Variants in PCDHGB3 observed in about 807,000 individuals in gnomAD.
The protein encoded by PCDHGB3 is protocadherin gamma subfamily B, 3.
PCDHGB3 carries 40 observed loss-of-function variants against 59.2 expected under a neutral mutation model. That is an observed-to-expected ratio of 0.68 (90% CI 0.52 to 0.88). The LOEUF is 0.88. Among genes scored for constraint, PCDHGB3 ranks in the 40% least tolerant of loss-of-function variants. The pLI, the probability that PCDHGB3 is intolerant of heterozygous loss-of-function variation, is 0.00. For synonymous variants in PCDHGB3, 581 were observed against 503.6 expected (o/e 1.15, Z -2.06); for missense variants, 1,309 against 1,187.9 (o/e 1.10, Z -1.50).
At position 141,477,197 on chromosome 5, in the gene PCDHGB3, G is replaced by A. The variant is rs781504885; in HGVS notation, c.2416-17610G>A. ...CACAGTCACCTCCGTGTACAGCCCA[G>A]TACCCGAGGATGCCCCTCTGGGGAC... On this transcript the variant is annotated intron_variant, in intron 1 of 3. Coordinates refer to ENST00000576222, the MANE Select transcript of PCDHGB3 (RefSeq NM_018924.5). The surrounding 1 kb of genome is among the most constrained non-coding windows in gnomAD (Gnocchi z 4.9). 1 of 1,614,210 alleles carries A rather than the reference G, an allele frequency of 6.2e-7. No homozygotes were observed. Among genetic ancestry groups the A allele is most frequent in the East Asian group, 2.2e-5 (1 of 44,874 alleles).
At position 141,399,013 on chromosome 5, in the gene PCDHGB3, G is replaced by A. The variant is rs145783835; in HGVS notation, c.2415+26204G>A. 9.5e-3 allele frequency: 15,345 copies of A among 1,613,900 alleles called. 158 individuals are homozygous for A. Among genetic ancestry groups the A allele is most frequent in the South Asian group, 0.02 (1,850 of 91,076 alleles). On this transcript the variant is annotated intron_variant, in intron 1 of 3. Coordinates refer to ENST00000576222, the MANE Select transcript of PCDHGB3 (RefSeq NM_018924.5). ...CTTTAGTCTGAATTCAAAGAGCGGA[G>A]AAATTACCACTCAAAAGAAACTGGA...
intron 1 of PCDHGB3, chr5:141,384,288 G>C: frequency 6.2e-7 from 1 of 1,613,784 alleles, no homozygotes; most frequent in South Asian, 1.1e-5. Flanking sequence ...ACATCGCTGA[G>C]AACAACCCCA....
chr5:141,393,492 C>T (rs778632774), intron 1 of PCDHGB3: 11 of 1,613,922 alleles, frequency 6.8e-6, no homozygotes, highest in African/African-American at 1.3e-5. Flanking sequence ...TAGCACAGTG[C>T]GCATCCACGT....
chr5:141,394,491 C>G, intron 1 of PCDHGB3: 1 of 1,614,234 alleles, frequency 6.2e-7, no homozygotes, highest in East Asian at 2.2e-5. Flanking sequence ...TGACAACGCG[C>G]CCGAGATCCT....
chr5:141,433,001 G>T, intron 1 of PCDHGB3: 1 of 1,614,156 alleles, frequency 6.2e-7, no homozygotes, highest in African/African-American at 1.3e-5. Flanking sequence ...CGGGGTGCAG[G>T]CTTTCCTGCA....
rs1246750536 is a variant in PCDHGB3 at position 141,386,428 on chromosome 5, C to T, written c.2415+13619C>T. On this transcript the variant is annotated intron_variant, in intron 1 of 3. Coordinates refer to ENST00000576222, the MANE Select transcript of PCDHGB3 (RefSeq NM_018924.5). ...TATGGTGTTGCAAGCTGTAGCCCAC[C>T]TGCATGGGAGGCTGAGGCAAGAGGA... Among the ~76,000 whole-genome samples the T allele has an allele frequency of 3.3e-5, 5 of 152,036 alleles. No individual in the cohort carries two copies. In the South Asian group the frequency reaches 6.2e-4, roughly 19 times the overall value.
chr5:141,375,611 G>A lies in PCDHGB3; in HGVS notation c.2415+2802G>A, dbSNP rs1049659012. 8 of 1,614,060 alleles carry A rather than the reference G, an allele frequency of 5.0e-6. No individual in the cohort carries two copies. The African/African-American group carries it at 8.0e-5, about 16-fold the overall frequency. On this transcript the variant is annotated intron_variant, in intron 1 of 3. Transcript: ENST00000576222. ...GTCCTCCTACGTGTCCATCAACTCC[G>A]ACACTGGGATTCTGTACGCCCTGCG...
rs755576652 is a variant in PCDHGB3 at position 141,410,511 on chromosome 5, G to A, written c.2415+37702G>A. 4.3e-6 allele frequency: 7 copies of A among 1,613,942 alleles called. No individual in the cohort carries two copies. In the Admixed American group the frequency reaches 8.3e-5, roughly 19 times the overall value. On this transcript the variant is annotated intron_variant, in intron 1 of 3. Transcript: ENST00000576222. ...AAAGAGTTTAATTTCCTAAAATGCA[G>A]TGTGCCCCTACATTCCAATGAAGAC... is the stretch of plus-strand genomic sequence containing the variant.
chr5:141,394,528 C>A (rs1465272752), intron 1 of PCDHGB3: 1 of 1,614,214 alleles, frequency 6.2e-7, no homozygotes, highest in Non-Finnish European at 8.5e-7. Flanking sequence ...ACAGACGGTT[C>A]CACTGGCGTG....
At chr5:141,450,998 T>C (rs2098703513) in intron 1 of PCDHGB3, among the ~76,000 whole-genome samples, 1 of 151,696 alleles carries the variant, frequency 6.6e-6, no homozygotes, top group Non-Finnish European at 1.5e-5. Flanking sequence ...CTAATTTTTT[T>C]GTATTTTTTT....
intron 1 of PCDHGB3, chr5:141,388,173 G>A (rs2091270272): frequency 1.3e-6 from 2 of 1,502,222 alleles, no homozygotes; most frequent in South Asian, 2.3e-5. Flanking sequence ...GGAGATATGC[G>A]GGAAGAAGCC....
rs922592733 is a variant in PCDHGB3 at position 141,487,979 on chromosome 5, C to T, written c.2416-6828C>T. Among the ~76,000 whole-genome samples the T allele has an allele frequency of 1.3e-5, 2 of 152,178 alleles. No individual in the cohort carries two copies. Among genetic ancestry groups the T allele is most frequent in the African/African-American group, 4.8e-5 (2 of 41,442 alleles). The stretch of plus-strand genomic sequence containing the variant: ...TGGACAAAGGTGGCTGTTTTCTCTA[C>T]TCTTCCTGAAAGAGGGGATCAGATT... On this transcript the variant is annotated intron_variant, in intron 1 of 3. Coordinates refer to ENST00000576222, the MANE Select transcript of PCDHGB3 (RefSeq NM_018924.5). The surrounding 1 kb of genome is among the most constrained non-coding windows in gnomAD (Gnocchi z 5.0).
intron 1 of PCDHGB3, chr5:141,419,534 G>C: frequency 6.2e-7 from 1 of 1,612,078 alleles, no homozygotes; most frequent in African/African-American, 1.3e-5. Context: ...TAACGACAAC[G>C]CACCGCGGGT....
chr5:141,388,204 A>T lies in PCDHGB3; in HGVS notation c.2415+15395A>T, dbSNP rs746829885. ...AAGCCAGCTTGTGCTCTGGAATTTG[A>T]GGCTGTTGCTGAAAATCCACTGAAC... On this transcript the variant is annotated intron_variant, in intron 1 of 3. Coordinates refer to ENST00000576222, the MANE Select transcript of PCDHGB3 (RefSeq NM_018924.5). 9 of 1,575,744 alleles carry T rather than the reference A, an allele frequency of 5.7e-6. No homozygotes were observed. The Admixed American group carries it at 1.5e-4, about 27-fold the overall frequency.
At chr5:141,415,712 T>G (rs2095901969) in intron 1 of PCDHGB3, 3 of 1,326,794 alleles carry the variant, frequency 2.3e-6, no homozygotes, top group Non-Finnish European at 3.1e-6. Context: ...GCTAAAACAC[T>G]GATGAGTAGA....
intron 1 of PCDHGB3, chr5:141,389,183 T>C: frequency 6.2e-7 from 1 of 1,613,988 alleles, no homozygotes. Context: ...TCTCCTCCAG[T>C]TCCAGCATCA....
In PCDHGB3 at chr5:141,415,024, G is replaced by A. The variant is rs1272655664; in HGVS notation, c.2415+42215G>A. On this transcript the variant is annotated intron_variant, in intron 1 of 3. Coordinates refer to ENST00000576222, the MANE Select transcript of PCDHGB3 (RefSeq NM_018924.5). ...GTCCTACCGTCTGCTCAAGGCCAGC[G>A]AGCCGGGACTCTTCGCGGTGGGGGA... 4.3e-6 allele frequency: 7 copies of A among 1,613,450 alleles called. 1 individual carries two copies. The highest frequency in any genetic ancestry group is 3.3e-5 in the Admixed American group (2 of 60,002).
At chr5:141,434,952 C>T (rs1362599956) in intron 1 of PCDHGB3, among the ~76,000 whole-genome samples, 2 of 151,756 alleles carry the variant, frequency 1.3e-5, no homozygotes, top group East Asian at 3.9e-4. Flanking sequence ...AATTTATTAA[C>T]AATTTATAAA....
At chr5:141,483,425 G>A (rs1460083757) in intron 1 of PCDHGB3, among the ~76,000 whole-genome samples, 1 of 152,116 alleles carries the variant, frequency 6.6e-6, no homozygotes, top group Non-Finnish European at 1.5e-5. Flanking sequence ...ACAGATGGAG[G>A]GAGCTGACTA....
Sources: allele counts gnomAD v4.1 joint callset (sites outside exome capture counted in the v4.1 genomes callset), GRCh38; gene constraint gnomAD v4.1.1; non-coding constraint Gnocchi (gnomAD v3.1); transcripts MANE v1.5; gene names NCBI Gene and HGNC (gene_info 2026-07-23, HGNC 2026-07-21).